The following ZDHHC11B variants were observed in gnomAD, a reference collection of about 807,000 sequenced individuals.
ZDHHC11B encodes probable palmitoyltransferase ZDHHC11B.
A neutral mutation model predicts 42.3 loss-of-function variants in ZDHHC11B; 17 were observed. The observed-to-expected ratio is 0.40, with a 90% CI of 0.27 to 0.60. The LOEUF (loss-of-function observed/expected upper bound fraction) is 0.60. Ranked by LOEUF, ZDHHC11B falls within the 20% of genes least tolerant of loss-of-function variation. The pLI is 0.41. For missense variants in ZDHHC11B, 262 were observed against 463.2 expected (o/e 0.57, Z 3.99); for synonymous variants, 123 against 193.5 (o/e 0.64, Z 3.02).
At chr5:765,774 T>C (rs1312621897) in intron 4 of ZDHHC11B, among the ~76,000 whole-genome samples, 1 of 151,832 alleles carries the variant, frequency 6.6e-6, no homozygotes, top group African/African-American at 2.4e-5. Context: ...AGGAAGAAAT[T>C]CTGAACACAT....
intron 13 of ZDHHC11B, among the ~76,000 whole-genome samples, chr5:715,536 T>A: frequency 6.6e-6 from 1 of 151,198 alleles, no homozygotes; most frequent in Non-Finnish European, 1.5e-5. Flanking sequence ...AACTTCATGG[T>A]CAGTTTCTTG....
At chr5:778,813 TACAGGCTGAATTCGTCCCCTCCA>T (rs1736751236) in intron 1 of ZDHHC11B, among the ~76,000 whole-genome samples, 1 of 151,866 alleles carries the variant, frequency 6.6e-6, no homozygotes, top group Non-Finnish European at 1.5e-5. Context: ...AAGAAGGTGC[TACAGGCTGAATTCGTCCCCTCCA>T]AAATCCACGC....
chr5:753,103 A>T (rs1368986284), intron 6 of ZDHHC11B, among the ~76,000 whole-genome samples: 14 of 128,692 alleles, frequency 1.1e-4, no homozygotes, highest in African/African-American at 3.3e-4. Context: ...TCTTCCCAGG[A>T]CACCAGCGCC....
Position 776,049 on chromosome 5 carries a change from G to A in ZDHHC11B, c.-229-7119C>T, listed in dbSNP as rs1331536718. On this transcript the variant is annotated intron_variant, in intron 1 of 13. Transcript: ENST00000508859. ...CGCAGGCTCAGCTGGGTGTACTGCC[G>A]CTGGGCTCTTCAGAACCTTTACGCC... 7.3e-5 allele frequency among the ~76,000 whole-genome samples: 11 copies of A among 149,856 alleles called. 2 individuals carry two copies. Among genetic ancestry groups the A allele is most frequent in the African/African-American group, 1.2e-4 (5 of 40,256 alleles).
intron 11 of ZDHHC11B, among the ~76,000 whole-genome samples, chr5:731,776 G>A (rs1743034710): frequency 6.6e-6 from 1 of 151,812 alleles, no homozygotes; most frequent in African/African-American, 2.4e-5. Flanking sequence ...CCTAACACAA[G>A]ACTCCGGAGA....
At position 728,572 on chromosome 5, in the gene ZDHHC11B, T is replaced by G. The variant is rs1391882585; in HGVS notation, c.1058+1862A>C. Among the ~76,000 whole-genome samples, 6 of 152,092 alleles carry G rather than the reference T, an allele frequency of 3.9e-5. No individual in the cohort carries two copies. In the East Asian group the frequency reaches 1.2e-3, roughly 29 times the overall value. ...ACACATCTATATGAAACGTCATGAG[T>G]GTAATCTATGCCATATTGTTGAAGA... On this transcript the variant is annotated intron_variant, in intron 12 of 13. Transcript: ENST00000508859.
Position 773,138 on chromosome 5 carries a change from T to G in ZDHHC11B, c.-229-4208A>C, listed in dbSNP as rs1736193318. ...ATGACGGTAATAAGAATACATTTAG[T>G]TTTAAGAGAATGAGGAGGTGTCAGA... On this transcript the variant is annotated intron_variant, in intron 1 of 13. Coordinates refer to ENST00000508859, the MANE Select transcript of ZDHHC11B (RefSeq NM_001351303.2). 5.3e-5 allele frequency among the ~76,000 whole-genome samples: 8 copies of G among 151,862 alleles called. No individual in the cohort carries two copies. The South Asian group carries it at 1.5e-3, about 28-fold the overall frequency.
chr5:737,855 G>C (rs1192754480), intron 10 of ZDHHC11B, among the ~76,000 whole-genome samples: 1 of 143,388 alleles, frequency 7.0e-6, no homozygotes, highest in African/African-American at 2.6e-5. Flanking sequence ...ATACTGAATG[G>C]GGAAAAGTTG....
intron 1 of ZDHHC11B, among the ~76,000 whole-genome samples, chr5:773,663 C>T (rs1278895998): frequency 2.0e-5 from 3 of 151,870 alleles, no homozygotes; most frequent in African/African-American, 7.3e-5. Flanking sequence ...CCCAGCCCTG[C>T]CCCGACCCAG....
rs1406589690 is a variant in ZDHHC11B, at chr5:727,754, C to A, written c.1058+2680G>T. On this transcript the variant is annotated intron_variant, in intron 12 of 13. Transcript: ENST00000508859. Reference sequence around the variant, plus strand: ...TACTTAAGTCTTCGAGATAAAGTAACCTTAGCTCTCTCCCTGTATGCAAAA... The same window carrying A: ...TACTTAAGTCTTCGAGATAAAGTAAACTTAGCTCTCTCCCTGTATGCAAAA... Among the ~76,000 whole-genome samples, 7 of 132,606 alleles carry A rather than the reference C, an allele frequency of 5.3e-5. No homozygotes were observed. In the East Asian group the frequency reaches 6.4e-4, roughly 12 times the overall value. The allele number at this position is 132,606 out of a possible 152,430, so 87.0% of individuals were successfully genotyped here.
At chr5:774,313 T>C (rs1736286675) in intron 1 of ZDHHC11B, among the ~76,000 whole-genome samples, 1 of 152,144 alleles carries the variant, frequency 6.6e-6, no homozygotes, top group African/African-American at 2.4e-5. Context: ...CAGCCTCTGA[T>C]CACAGAGCTG....
At chr5:760,131 G>A (rs1283064890) in intron 4 of ZDHHC11B, among the ~76,000 whole-genome samples, 2 of 151,822 alleles carry the variant, frequency 1.3e-5, no homozygotes, top group Non-Finnish European at 2.9e-5. Flanking sequence ...AGAGGCACGC[G>A]TGGCCGAGCC....
intron 6 of ZDHHC11B, among the ~76,000 whole-genome samples, chr5:754,303 CGCCT>C: frequency 3.1e-5 from 4 of 128,424 alleles, no homozygotes; most frequent in Admixed American, 8.8e-5. Context: ...AAACACCTCT[CGCCT>C]ATGAGCCTCC....
Position 725,186 on chromosome 5 carries a change from G to A in ZDHHC11B, c.1058+5248C>T, listed in dbSNP as rs1433648526. 4.0e-5 allele frequency among the ~76,000 whole-genome samples: 6 copies of A among 151,246 alleles called. 1 individual carries two copies. The highest frequency in any genetic ancestry group is 8.8e-5 in the Non-Finnish European group (6 of 67,904). On this transcript the variant is annotated intron_variant, in intron 12 of 13. Coordinates refer to ENST00000508859, the MANE Select transcript of ZDHHC11B (RefSeq NM_001351303.2). ...TCACTCTCAACTCCCTGCCTTGTGAGGACAAGCAGAGGAGGCCATCGGAGA... is the reference window on the plus strand; with the variant it reads ...TCACTCTCAACTCCCTGCCTTGTGAAGACAAGCAGAGGAGGCCATCGGAGA...
chr5:783,560 A>G (rs1181529559), intron 1 of ZDHHC11B, among the ~76,000 whole-genome samples: 12 of 152,226 alleles, frequency 7.9e-5, no homozygotes, highest in Non-Finnish European at 5.9e-5. Flanking sequence ...AAGAGCCAAT[A>G]AACATGCCAG....
intron 11 of ZDHHC11B, among the ~76,000 whole-genome samples, chr5:733,432 C>G (rs1743205258): frequency 6.6e-6 from 1 of 151,722 alleles, no homozygotes; most frequent in South Asian, 2.1e-4. Flanking sequence ...ACAGCACTGT[C>G]CCTCGCTGCA....
At chr5:732,708 C>G (rs1177619410) in intron 11 of ZDHHC11B, 24 of 430,678 alleles carry the variant, frequency 5.6e-5, no homozygotes, top group Non-Finnish European at 6.5e-5. Context: ...CCTCCAGAAA[C>G]TGGCCCCCTC....
chr5:730,481 G>T lies in ZDHHC11B; in HGVS notation c.1024-13C>A. ...CATCATCTGCTTCCTGTGGGGGGAAGGGAAGCAAAATTCTTAGGATGAACA... is the reference window on the plus strand; with the variant it reads ...CATCATCTGCTTCCTGTGGGGGGAATGGAAGCAAAATTCTTAGGATGAACA... On this transcript the variant is annotated splice_polypyrimidine_tract_variant and intron_variant, in intron 11 of 13. Transcript: ENST00000508859. 1 of 1,555,500 alleles carries T rather than the reference G, an allele frequency of 6.4e-7. No individual in the cohort carries two copies. Among genetic ancestry groups the T allele is most frequent in the Admixed American group, 2.3e-5 (1 of 44,030 alleles).
intron 13 of ZDHHC11B, among the ~76,000 whole-genome samples, chr5:714,086 A>T (rs411924): frequency 0.69 from 74,201 of 107,336 alleles, 23,747 homozygotes; most frequent in African/African-American, 0.75. Flanking sequence ...ATATTTACAC[A>T]CGCACTCACA....
Sources: gnomAD v4.1 joint callset for allele counts (sites outside exome capture counted in the v4.1 genomes callset) on GRCh38, gnomAD v4.1.1 for gene constraint, MANE v1.5 for transcripts, NCBI Gene and HGNC (gene_info 2026-07-23, HGNC 2026-07-21) for gene names.